The following SGCD variants were observed in gnomAD, a reference collection of about 807,000 sequenced individuals.
SGCD encodes the protein delta-sarcoglycan.
Under a neutral mutation model 36.6 loss-of-function variants are expected in SGCD, and 18 were observed. That is an observed-to-expected ratio of 0.49 (90% CI 0.34 to 0.73). The LOEUF is 0.73. SGCD is among the 30% of genes least tolerant of loss of function. The pLI is 0.01. For missense variants in SGCD, 387 were observed against 346.7 expected, an observed-to-expected ratio of 1.12 and a Z score of -0.92; for synonymous variants, 133 against 130.6, an observed-to-expected ratio of 1.02 and a Z score of -0.12.
At chr5:156,642,667 T>C (rs1334187787) in intron 6 of SGCD, among the ~76,000 whole-genome samples, 3 of 151,676 alleles carry the variant, frequency 2.0e-5, no homozygotes, top group Non-Finnish European at 4.4e-5. Context: ...CAAGGTTTCA[T>C]CATGTTGGCC....
chr5:156,601,606 T>A (rs765954978), intron 6 of SGCD, among the ~76,000 whole-genome samples: 13 of 152,232 alleles, frequency 8.5e-5, no homozygotes, highest in Non-Finnish European at 1.8e-4. Flanking sequence ...TTTTGGCTAT[T>A]TGGAGTCTTC....
At chr5:155,818,044 A>T in the SGCD span, among the ~76,000 whole-genome samples, 2,689 of 152,312 alleles carry the variant, frequency 0.018, 85 homozygotes, top group African/African-American at 0.06. Flanking sequence ...AGTTTAGTAA[A>T]CTATAAAACA....
rs1465866600 is a variant in SGCD at position 156,761,867 on chromosome 5, T to G, written c.*2477T>G. On this transcript the variant is annotated 3_prime_UTR_variant, in exon 9 of 9. Coordinates refer to ENST00000337851, the MANE Select transcript of SGCD (RefSeq NM_000337.6). The stretch of plus-strand genomic sequence containing the variant: ...GAATAAAAATAAGAGCAATCAACCA[T>G]ATAAATCAAGTACCTATTGGGAACA... The G allele has an allele frequency of 6.6e-6, 1 of 152,202 alleles. No individual in the cohort carries two copies. Among genetic ancestry groups the G allele is most frequent in the Non-Finnish European group, 1.5e-5 (1 of 68,030 alleles). The allele number at this position is 152,202 out of a possible 1,614,324, so 9.4% of individuals were successfully genotyped here. A position where few individuals can be genotyped will look rare whatever the true frequency, so the allele number is the denominator to read the frequency against.
chr5:156,650,106 G>T (rs1763405183), intron 7 of SGCD, among the ~76,000 whole-genome samples: 1 of 152,114 alleles, frequency 6.6e-6, no homozygotes, highest in South Asian at 2.1e-4. Context: ...AGAACATGGA[G>T]CAGAGTATTT....
chr5:156,403,869 A>G (rs76506654), intron 3 of SGCD, among the ~76,000 whole-genome samples: 2,075 of 149,788 alleles, frequency 0.014, 23 homozygotes, highest in Non-Finnish European at 0.023. Context: ...GAGGCTCACT[A>G]TGTCACCCAT....
chr5:155,996,405 C>T (rs546800254), intron 1 of SGCD, among the ~76,000 whole-genome samples: 18 of 152,230 alleles, frequency 1.2e-4, no homozygotes, highest in Non-Finnish European at 1.0e-4. Flanking sequence ...ATTTCAAAGC[C>T]AGCAGTGTGT....
intron 1 of SGCD, among the ~76,000 whole-genome samples, chr5:155,889,381 AT>A (rs1382847680): frequency 6.6e-6 from 1 of 152,144 alleles, no homozygotes; most frequent in Non-Finnish European, 1.5e-5. Context: ...CTAAGAGCTA[AT>A]GTTTCTATAA....
At chr5:156,104,793 T>C (rs1352942675) in intron 1 of SGCD, among the ~76,000 whole-genome samples, 1 of 152,262 alleles carries the variant, frequency 6.6e-6, no homozygotes, top group East Asian at 1.9e-4. Flanking sequence ...GCAGCTTGCC[T>C]TGGCAAATTT....
chr5:156,467,898 G>A (rs762024977), intron 3 of SGCD, among the ~76,000 whole-genome samples: 1 of 152,208 alleles, frequency 6.6e-6, no homozygotes, highest in Non-Finnish European at 1.5e-5. Flanking sequence ...TAGCTTTGTT[G>A]GAAGTGTATG....
chr5:156,680,759 A>G (rs2113681789), intron 7 of SGCD, among the ~76,000 whole-genome samples: 1 of 152,348 alleles, frequency 6.6e-6, no homozygotes, highest in East Asian at 1.9e-4. Context: ...AAATTCACCA[A>G]GAAAATGACA....
chr5:155,733,056 C>T, the SGCD span, among the ~76,000 whole-genome samples: 1 of 144,248 alleles, frequency 6.9e-6, no homozygotes. Flanking sequence ...TCGGAAAGCA[C>T]TTATGGAAAC....
chr5:156,287,627 TTG>T (rs70982002), intron 3 of SGCD, among the ~76,000 whole-genome samples: 38,836 of 145,906 alleles, frequency 0.27, 5,105 homozygotes, highest in African/African-American at 0.3. Context: ...TTCCGTTTCT[TTG>T]TGTGTGTGTG....
chr5:156,714,952 G>A (rs73302881), intron 7 of SGCD, among the ~76,000 whole-genome samples: 4,028 of 152,156 alleles, frequency 0.026, 174 homozygotes, highest in African/African-American at 0.092. Flanking sequence ...CATAAATATC[G>A]GGAGTGCAAG....
At chr5:155,919,958 C>T (rs1403097663) in intron 1 of SGCD, among the ~76,000 whole-genome samples, 1 of 152,114 alleles carries the variant, frequency 6.6e-6, no homozygotes, top group Non-Finnish European at 1.5e-5. Flanking sequence ...GTGGCATTTG[C>T]AGTGATTCTA....
At chr5:156,031,223 G>A (rs544451630) in intron 1 of SGCD, among the ~76,000 whole-genome samples, 9 of 152,322 alleles carry the variant, frequency 5.9e-5, no homozygotes, top group Admixed American at 3.3e-4. Flanking sequence ...TAGGATCCAA[G>A]AATGTGCATT....
In SGCD at chr5:156,633,731, A is replaced by G. The variant is rs147340820; in HGVS notation, c.503-13733A>G. ...CTCTGAGCTCCCACAGTAATCTGCT[A>G]GGAAATTCCATCTCCATTATCACTG... On this transcript the variant is annotated intron_variant, in intron 6 of 8. Coordinates refer to ENST00000337851, the MANE Select transcript of SGCD (RefSeq NM_000337.6). Among the ~76,000 whole-genome samples the G allele has an allele frequency of 9.7e-3, 1,482 of 152,326 alleles. 13 individuals are homozygous for G. The highest frequency in any genetic ancestry group is 0.024 in the Middle Eastern group (7 of 294).
the SGCD span, among the ~76,000 whole-genome samples, chr5:155,864,470 A>G: frequency 0.24 from 35,922 of 151,900 alleles, 6,004 homozygotes; most frequent in African/African-American, 0.48. Flanking sequence ...AATCCAGGCA[A>G]GAGATGGTAT....
chr5:156,080,156 T>C (rs1427113202), intron 1 of SGCD, among the ~76,000 whole-genome samples: 1 of 152,208 alleles, frequency 6.6e-6, no homozygotes, highest in Non-Finnish European at 1.5e-5. Context: ...CTGAGTTGTA[T>C]CTCAGGCTCT....
At chr5:155,831,017 C>A in the SGCD span, among the ~76,000 whole-genome samples, 2,550 of 152,292 alleles carry the variant, frequency 0.017, 77 homozygotes, top group African/African-American at 0.059. Context: ...CCCATACATT[C>A]ATTGAGTCAG....
Sources: gnomAD v4.1 joint callset for allele counts (sites outside exome capture counted in the v4.1 genomes callset) on GRCh38, gnomAD v4.1.1 for gene constraint, MANE v1.5 for transcripts, NCBI Gene and HGNC (gene_info 2026-07-23, HGNC 2026-07-21) for gene names.